LRFN2: variants seen among roughly 807,000 people sequenced by gnomAD.
LRFN2 encodes the protein leucine-rich repeat and fibronectin type-III domain-containing protein 2.
Under a neutral mutation model 37.3 loss-of-function variants are expected in LRFN2, and 18 were observed. The ratio of observed to expected loss-of-function variants is 0.48; its 90% confidence interval spans 0.33 to 0.72. The LOEUF (loss-of-function observed/expected upper bound fraction) is 0.72. LRFN2 is among the 30% of genes least tolerant of loss of function. The probability of loss-of-function intolerance (pLI) is 0.02; values close to 1 mark genes in which losing one functional copy is unlikely to be tolerated. For missense variants in LRFN2, 1,006 were observed against 1,060.7 expected (o/e 0.95, Z 0.72); for synonymous variants, 556 against 466.6 (o/e 1.19, Z -2.47).
chr6:40,569,526 G>GAC (rs775623220), intron 1 of LRFN2, among the ~76,000 whole-genome samples: 1 of 152,170 alleles, frequency 6.6e-6, no homozygotes, highest in Non-Finnish European at 1.5e-5. Context: ...AGCCCAGAGT[G>GAC]ACACCCGTTT....
In LRFN2 at chr6:40,422,950, A is replaced by G. The variant is rs144743520; in HGVS notation, c.1400+8764T>C. On this transcript the variant is annotated intron_variant, in intron 2 of 2. Coordinates refer to ENST00000338305, the MANE Select transcript of LRFN2 (RefSeq NM_020737.3). ...TTTATCTTTGGAGCTCTCTCCAGCCACAGCTTTTGGAAATTGAGAAGGGAA... is the reference window on the plus strand; with the variant it reads ...TTTATCTTTGGAGCTCTCTCCAGCCGCAGCTTTTGGAAATTGAGAAGGGAA... Among the ~76,000 whole-genome samples the G allele has an allele frequency of 3.8e-3, 577 of 152,352 alleles. 6 individuals are homozygous for G. The highest frequency in any genetic ancestry group is 0.012 in the African/African-American group (507 of 41,570).
chr6:40,457,807 C>T (rs113743599), intron 1 of LRFN2, among the ~76,000 whole-genome samples: 8 of 152,254 alleles, frequency 5.3e-5, no homozygotes, highest in East Asian at 1.9e-4. Context: ...AACTTCTCAG[C>T]GCTCTTGCAG....
intron 1 of LRFN2, among the ~76,000 whole-genome samples, chr6:40,532,316 A>G (rs1437590537): frequency 6.6e-6 from 1 of 152,250 alleles, no homozygotes; most frequent in African/African-American, 2.4e-5. Flanking sequence ...TAATGGACCT[A>G]GTGGTCACAC....
At chr6:40,436,733 G>T (rs978472780) in intron 1 of LRFN2, among the ~76,000 whole-genome samples, 1 of 152,180 alleles carries the variant, frequency 6.6e-6, no homozygotes, top group African/African-American at 2.4e-5. Flanking sequence ...TGTGCTCAAA[G>T]GTGTTCTGGC....
At chr6:40,428,119 A>G (rs902014573) in intron 2 of LRFN2, among the ~76,000 whole-genome samples, 1 of 152,244 alleles carries the variant, frequency 6.6e-6, no homozygotes, top group Non-Finnish European at 1.5e-5. Context: ...GTTAGTGCAC[A>G]TAGGACCCTT....
intron 1 of LRFN2, among the ~76,000 whole-genome samples, chr6:40,501,474 G>A (rs985756747): frequency 1.3e-5 from 2 of 150,998 alleles, no homozygotes; most frequent in Non-Finnish European, 2.9e-5. Flanking sequence ...GCCCATCACC[G>A]TGCCTGGCTA....
chr6:40,546,095 T>A (rs1766654621), intron 1 of LRFN2, among the ~76,000 whole-genome samples: 1 of 152,056 alleles, frequency 6.6e-6, no homozygotes, highest in Admixed American at 6.6e-5. Context: ...CCAGGCTGCC[T>A]GGCTGTTTTT....
intron 1 of LRFN2, among the ~76,000 whole-genome samples, chr6:40,454,202 A>C (rs1257700916): frequency 6.6e-6 from 1 of 152,244 alleles, no homozygotes; most frequent in Non-Finnish European, 1.5e-5. Flanking sequence ...ATGTTTGATA[A>C]TAGCCAGTGC....
intron 1 of LRFN2, among the ~76,000 whole-genome samples, chr6:40,483,979 G>A (rs1392445802): frequency 1.3e-5 from 2 of 152,138 alleles, no homozygotes; most frequent in South Asian, 4.1e-4. Flanking sequence ...CCCTCTCCCT[G>A]CCAGGAGTGC....
At chr6:40,548,712 A>G (rs1275043358) in intron 1 of LRFN2, among the ~76,000 whole-genome samples, 1 of 152,210 alleles carries the variant, frequency 6.6e-6, no homozygotes, top group African/African-American at 2.4e-5. Context: ...ATCAGAGTGA[A>G]GCTCAGAATT....
At chr6:40,494,690 A>G (rs1046489425) in intron 1 of LRFN2, among the ~76,000 whole-genome samples, 6 of 151,890 alleles carry the variant, frequency 4.0e-5, no homozygotes, top group South Asian at 2.1e-4. Context: ...CAAGGCCACA[A>G]TCTAGACCTC....
intron 1 of LRFN2, among the ~76,000 whole-genome samples, chr6:40,499,179 A>G (rs1460300973): frequency 6.6e-6 from 1 of 152,170 alleles, no homozygotes; most frequent in Non-Finnish European, 1.5e-5. Flanking sequence ...TCAACATCAC[A>G]TCATCTCCAT....
intron 1 of LRFN2, among the ~76,000 whole-genome samples, chr6:40,452,803 G>C (rs1764142277): frequency 1.3e-5 from 2 of 152,024 alleles, no homozygotes; most frequent in Admixed American, 6.5e-5. Flanking sequence ...GTCACACAAA[G>C]AGAAGGTCAC....
At chr6:40,399,531 G>A (rs1248080826) in intron 2 of LRFN2, among the ~76,000 whole-genome samples, 1 of 149,506 alleles carries the variant, frequency 6.7e-6, no homozygotes, top group African/African-American at 2.4e-5. Context: ...TCCGCCTCAG[G>A]GGCTCAAGCG....
chr6:40,568,188 C>T (rs1166356202), intron 1 of LRFN2, among the ~76,000 whole-genome samples: 1 of 152,222 alleles, frequency 6.6e-6, no homozygotes, highest in Non-Finnish European at 1.5e-5. Flanking sequence ...CAAGGTTTGA[C>T]AGCAGCCTGG....
intron 2 of LRFN2, among the ~76,000 whole-genome samples, chr6:40,430,920 A>C (rs1418202293): frequency 6.6e-6 from 1 of 152,194 alleles, no homozygotes; most frequent in Non-Finnish European, 1.5e-5. Flanking sequence ...AGGACCCAGC[A>C]GAGGTCTCCC....
intron 1 of LRFN2, among the ~76,000 whole-genome samples, chr6:40,572,865 C>T (rs1423507070): frequency 6.6e-6 from 1 of 152,132 alleles, no homozygotes; most frequent in Non-Finnish European, 1.5e-5. Context: ...CATTCTGCAA[C>T]AAGGTGCCTC....
At chr6:40,488,804 G>A (rs1765025789) in intron 1 of LRFN2, among the ~76,000 whole-genome samples, 1 of 152,126 alleles carries the variant, frequency 6.6e-6, no homozygotes, top group Non-Finnish European at 1.5e-5. Flanking sequence ...CTCCTTGAGG[G>A]CAGGTGCATT....
intron 1 of LRFN2, among the ~76,000 whole-genome samples, chr6:40,448,782 A>ACTTCCTGTCCTTTGGC (rs2113840397): frequency 6.6e-6 from 1 of 152,326 alleles, no homozygotes; most frequent in East Asian, 1.9e-4. Context: ...AGGCAGAACC[A>ACTTCCTGTCCTTTGGC]AGGAAGCTGA....
Sources: allele counts gnomAD v4.1 joint callset (sites outside exome capture counted in the v4.1 genomes callset), GRCh38; gene constraint gnomAD v4.1.1; transcripts MANE v1.5; gene names NCBI Gene and HGNC (gene_info 2026-07-23, HGNC 2026-07-21).